Variants in MOB3B observed in about 807,000 individuals in gnomAD.
MOB3B encodes the protein MOB kinase activator 3B.
A neutral mutation model predicts 18.7 loss-of-function variants in MOB3B; 7 were observed. The observed-to-expected ratio is 0.37, with a 90% CI of 0.21 to 0.70. MOB3B has a LOEUF of 0.70. Ranked by LOEUF, MOB3B falls within the 30% of genes least tolerant of loss-of-function variation. The pLI is 0.52. For missense variants in MOB3B, 253 were observed against 281.3 expected, an observed-to-expected ratio of 0.90 and a Z score of 0.72; for synonymous variants, 111 against 99.9, an observed-to-expected ratio of 1.11 and a Z score of -0.66.
intron 2 of MOB3B, among the ~76,000 whole-genome samples, chr9:27,401,048 G>A (rs527966066): frequency 9.6e-4 from 146 of 152,324 alleles, no homozygotes; most frequent in African/African-American, 3.3e-3. Flanking sequence ...GGCAACAGGG[G>A]CTTTACAGTG....
intron 1 of MOB3B, among the ~76,000 whole-genome samples, chr9:27,501,759 T>A (rs2131495378): frequency 1.9e-5 from 1 of 53,020 alleles, no homozygotes; most frequent in South Asian, 1.0e-3. Context: ...AGAGTGAGAC[T>A]CTGTCTCAAA....
intron 2 of MOB3B, among the ~76,000 whole-genome samples, chr9:27,444,688 C>G (rs1822663592): frequency 6.6e-6 from 1 of 152,116 alleles, no homozygotes; most frequent in Non-Finnish European, 1.5e-5. Context: ...TTAGGCAAGT[C>G]TGGATTCTAA....
chr9:27,447,835 G>T (rs1481353013), intron 2 of MOB3B, among the ~76,000 whole-genome samples: 4 of 152,208 alleles, frequency 2.6e-5, no homozygotes, highest in Admixed American at 2.6e-4. Flanking sequence ...CAGCCAGTGG[G>T]GTGCAGGGAG....
At chr9:27,474,491 G>C (rs1819522963) in intron 1 of MOB3B, among the ~76,000 whole-genome samples, 1 of 152,162 alleles carries the variant, frequency 6.6e-6, no homozygotes. Flanking sequence ...CAGCACACAA[G>C]TGAAGGCAAT....
At chr9:27,482,237 C>T (rs4879515) in intron 1 of MOB3B, among the ~76,000 whole-genome samples, 75,576 of 151,888 alleles carry the variant, frequency 0.5, 19,132 homozygotes, top group East Asian at 0.66. Context: ...CATTAAAGGA[C>T]GGGAAAAACA....
Position 27,325,238 on chromosome 9 carries a change from T to C in MOB3B, c.*5349A>G, listed in dbSNP as rs2131322865. ...GGTTATATGCTTTTTATTTGTGACA[T>C]TTGAATACCCAAGCTCACATATAAC... On this transcript the variant is annotated 3_prime_UTR_variant, in exon 4 of 4. Coordinates refer to ENST00000262244, the MANE Select transcript of MOB3B (RefSeq NM_024761.5). The C allele has an allele frequency of 6.6e-6, 1 of 152,324 alleles. No homozygotes were observed. The highest frequency in any genetic ancestry group is 2.1e-4 in the South Asian group (1 of 4,830). 9.4% of individuals were successfully genotyped at this position (152,324 alleles called of 1,614,324 possible).
rs1181160774 is a variant in MOB3B at position 27,467,365 on chromosome 9, A to G, written c.-198-11617T>C. On this transcript the variant is annotated intron_variant, in intron 1 of 3. Coordinates refer to ENST00000262244, the MANE Select transcript of MOB3B (RefSeq NM_024761.5). ...GGGTTTTGGGGATAAGTGAGATAAT[A>G]TAAGTAAAGATAGGTAAATGTCAAG... Among the ~76,000 whole-genome samples the G allele has an allele frequency of 2.0e-5, 3 of 152,204 alleles. No individual in the cohort carries two copies. In the East Asian group the frequency reaches 5.8e-4, roughly 29 times the overall value.
intron 1 of MOB3B, among the ~76,000 whole-genome samples, chr9:27,457,040 A>G (rs1819176516): frequency 6.6e-6 from 1 of 152,212 alleles, no homozygotes; most frequent in Admixed American, 6.5e-5. Context: ...CTGGGTCTCC[A>G]AGAGATACAA....
intron 1 of MOB3B, among the ~76,000 whole-genome samples, chr9:27,474,220 G>A (rs1819518779): frequency 6.6e-6 from 1 of 152,082 alleles, no homozygotes; most frequent in African/African-American, 2.4e-5. Flanking sequence ...AAGTAATAGT[G>A]ATAATAATTT....
chr9:27,524,518 G>C (rs752916216), intron 1 of MOB3B: 1 of 1,614,034 alleles, frequency 6.2e-7, no homozygotes, highest in East Asian at 2.2e-5. Context: ...GAATGTCTAC[G>C]AGAAAACATA....
intron 3 of MOB3B, among the ~76,000 whole-genome samples, chr9:27,345,316 A>G (rs1217116456): frequency 6.6e-6 from 1 of 152,092 alleles, no homozygotes; most frequent in East Asian, 1.9e-4. Flanking sequence ...CCCTGTATGA[A>G]CCATGACTGC....
At chr9:27,382,321 C>T (rs1482187402) in intron 2 of MOB3B, among the ~76,000 whole-genome samples, 2 of 152,144 alleles carry the variant, frequency 1.3e-5, no homozygotes, top group Non-Finnish European at 2.9e-5. Context: ...GATATCAGAT[C>T]GATTCTCTTT....
chr9:27,524,260 T>C, intron 1 of MOB3B: 2 of 1,452,766 alleles, frequency 1.4e-6, no homozygotes, highest in Non-Finnish European at 1.9e-6. Context: ...TATTCAGGTA[T>C]ATAAAGGCAC....
Position 27,477,050 on chromosome 9 carries a change from G to T in MOB3B, c.-198-21302C>A, listed in dbSNP as rs533500346. 2.1e-4 allele frequency among the ~76,000 whole-genome samples: 32 copies of T among 152,280 alleles called. No homozygotes were observed. In the South Asian group the frequency reaches 5.6e-3, roughly 27 times the overall value. ...CATCACAATCAGAGGAGTCTCCCGAGCTCCCAGCAGCTCACTCCTACTTTC... is the reference window on the plus strand; with the variant it reads ...CATCACAATCAGAGGAGTCTCCCGATCTCCCAGCAGCTCACTCCTACTTTC... On this transcript the variant is annotated intron_variant, in intron 1 of 3. Transcript: ENST00000262244.
chr9:27,462,591 T>C (rs7040654), intron 1 of MOB3B, among the ~76,000 whole-genome samples: 94,974 of 152,066 alleles, frequency 0.62, 29,895 homozygotes, highest in Middle Eastern at 0.65. Context: ...ACTCTGAACC[T>C]TCAGTGGATA....
At chr9:27,460,536 A>T (rs7046233) in intron 1 of MOB3B, among the ~76,000 whole-genome samples, 23,021 of 151,836 alleles carry the variant, frequency 0.15, 1,851 homozygotes, top group African/African-American at 0.18. Context: ...AAATAAAACA[A>T]CTCTCCCAGT....
chr9:27,348,037 G>A (rs1821054550), intron 3 of MOB3B, among the ~76,000 whole-genome samples: 2 of 152,184 alleles, frequency 1.3e-5, no homozygotes, highest in Admixed American at 1.3e-4. Flanking sequence ...CTGGAGTGGT[G>A]GAGTGGTGGA....
chr9:27,370,517 AAAAAAG>A (rs2131366533), intron 2 of MOB3B, among the ~76,000 whole-genome samples: 1 of 151,296 alleles, frequency 6.6e-6, no homozygotes, highest in Admixed American at 6.6e-5. Context: ...TCAGAAAAAA[AAAAAAG>A]AAAAAAAGAG....
At chr9:27,367,996 G>A (rs1299206420) in intron 2 of MOB3B, among the ~76,000 whole-genome samples, 1 of 152,012 alleles carries the variant, frequency 6.6e-6, no homozygotes, top group Non-Finnish European at 1.5e-5. Flanking sequence ...TGTCTTCAGA[G>A]TCCAGTAATA....
Sources: gnomAD v4.1 joint callset for allele counts (sites outside exome capture counted in the v4.1 genomes callset) on GRCh38, gnomAD v4.1.1 for gene constraint, MANE v1.5 for transcripts, NCBI Gene and HGNC (gene_info 2026-07-23, HGNC 2026-07-21) for gene names.